TYW1: variants seen among roughly 807,000 people sequenced by gnomAD.
TYW1 encodes S-adenosyl-L-methionine-dependent tRNA 4-demethylwyosine synthase TYW1.
In TYW1, 46 loss-of-function variants were observed where a neutral mutation model predicts 96.2. The ratio of observed to expected loss-of-function variants is 0.48; its 90% CI spans 0.38 to 0.61. TYW1 has a LOEUF of 0.61. Ranked by LOEUF, TYW1 falls within the 20% of genes least tolerant of loss-of-function variation. The pLI is 0.00. For missense variants in TYW1, 684 were observed against 909.6 expected (o/e 0.75, Z 3.19); for synonymous variants, 274 against 323.0 (o/e 0.85, Z 1.63).
chr7:67,131,864 G>A (rs186448518), intron 13 of TYW1, among the ~76,000 whole-genome samples: 57 of 152,280 alleles, frequency 3.7e-4, no homozygotes, highest in Middle Eastern at 3.4e-3. Flanking sequence ...TTTGATGTTC[G>A]AGGGCAGGAA....
At chr7:67,207,700 G>A (rs1181629668) in intron 15 of TYW1, among the ~76,000 whole-genome samples, 1 of 83,942 alleles carries the variant, frequency 1.2e-5, no homozygotes, top group Admixed American at 1.2e-4. Flanking sequence ...TTTTGGAGAT[G>A]GAGTCATTTT....
chr7:67,111,923 G>A (rs973348210), intron 12 of TYW1, among the ~76,000 whole-genome samples: 1 of 151,262 alleles, frequency 6.6e-6, no homozygotes, highest in Non-Finnish European at 1.5e-5. Flanking sequence ...GTGGCGAAAC[G>A]CTGTCTTTAC....
chr7:67,116,800 G>A (rs1265635854), intron 12 of TYW1, among the ~76,000 whole-genome samples: 2 of 152,178 alleles, frequency 1.3e-5, no homozygotes, highest in South Asian at 2.1e-4. Flanking sequence ...AGAATGAGTG[G>A]TATTCATGGA....
At chr7:67,173,519 A>G (rs989034854) in intron 13 of TYW1, among the ~76,000 whole-genome samples, 14 of 152,214 alleles carry the variant, frequency 9.2e-5, no homozygotes, top group African/African-American at 2.9e-4. Flanking sequence ...GGCACACAAC[A>G]TCTGGTTGTT....
At chr7:67,052,730 A>ATTAT (rs1584504742) in intron 8 of TYW1, among the ~76,000 whole-genome samples, 2 of 151,606 alleles carry the variant, frequency 1.3e-5, no homozygotes, top group Admixed American at 6.6e-5. Flanking sequence ...TTTTATTTTT[A>ATTAT]TTATTTATTT....
rs182951828 is a variant in TYW1, at chr7:67,016,471, C to T, written c.571-1382C>T. Among the ~76,000 whole-genome samples the T allele has an allele frequency of 6.8e-3, 1,029 of 151,930 alleles. 10 individuals carry two copies. The highest frequency in any genetic ancestry group is 0.023 in the African/African-American group (961 of 41,464). On this transcript the variant is annotated intron_variant, in intron 5 of 15. Transcript: ENST00000359626. The stretch of plus-strand genomic sequence containing the variant: ...CTGAGGCAGGAGAATCACTTGAACC[C>T]GGGAGGTAGAGTTTGCAGTGAGCCG...
chr7:67,133,043 A>G (rs7784267), intron 13 of TYW1, among the ~76,000 whole-genome samples: 41,951 of 151,928 alleles, frequency 0.28, 6,642 homozygotes, highest in African/African-American at 0.44. Context: ...GATTTTTGTC[A>G]CCGTACCCTG....
intron 15 of TYW1, among the ~76,000 whole-genome samples, chr7:67,224,420 C>A (rs565877792): frequency 6.6e-6 from 1 of 152,244 alleles, no homozygotes; most frequent in African/African-American, 2.4e-5. Context: ...AGCCACCATG[C>A]CCGGCCAATA....
intron 7 of TYW1, among the ~76,000 whole-genome samples, chr7:67,026,159 G>A (rs1246977512): frequency 2.0e-5 from 3 of 152,100 alleles, no homozygotes; most frequent in Non-Finnish European, 4.4e-5. Context: ...TGCAACCTCT[G>A]CCTCCTGGTT....
intron 12 of TYW1, among the ~76,000 whole-genome samples, chr7:67,109,617 A>T (rs1326834325): frequency 6.6e-6 from 1 of 152,144 alleles, no homozygotes; most frequent in African/African-American, 2.4e-5. Flanking sequence ...GCAGTGGCTC[A>T]CGCCTGTAAT....
rs1801984494 is a variant in TYW1, at chr7:67,239,193, G to A, written c.*664G>A. 1.5e-5 allele frequency: 15 copies of A among 985,348 alleles called. No homozygotes were observed. Among genetic ancestry groups the A allele is most frequent in the African/African-American group, 1.7e-5 (1 of 57,222 alleles). 61.0% of individuals were successfully genotyped at this position (985,348 alleles called of 1,614,324 possible). On this transcript the variant is annotated 3_prime_UTR_variant, in exon 16 of 16. Coordinates refer to ENST00000359626, the MANE Select transcript of TYW1 (RefSeq NM_018264.4). ...CAGACCGCAGTACCGGGGCTGGAGCGGAGTGAAGCTGTCTGCTGTAAGAGG... is the reference window on the plus strand; with the variant it reads ...CAGACCGCAGTACCGGGGCTGGAGCAGAGTGAAGCTGTCTGCTGTAAGAGG...
chr7:67,087,720 A>G (rs1328609234), intron 11 of TYW1, among the ~76,000 whole-genome samples: 2 of 152,170 alleles, frequency 1.3e-5, no homozygotes, highest in Admixed American at 6.5e-5. Flanking sequence ...ATATTTGTGC[A>G]TTGATGTTCT....
chr7:67,193,458 GT>G (rs1800285037), intron 14 of TYW1, among the ~76,000 whole-genome samples: 1 of 151,990 alleles, frequency 6.6e-6, no homozygotes, highest in Non-Finnish European at 1.5e-5. Flanking sequence ...TCATTTGTTG[GT>G]TTTTAAAAAT....
intron 12 of TYW1, among the ~76,000 whole-genome samples, chr7:67,099,884 C>G (rs970866774): frequency 8.5e-5 from 13 of 152,074 alleles, no homozygotes; most frequent in Non-Finnish European, 1.5e-4. Context: ...TGCCTGTAAT[C>G]CCAGCTACTC....
At chr7:67,007,645 T>G (rs1793646580) in intron 3 of TYW1, among the ~76,000 whole-genome samples, 1 of 152,136 alleles carries the variant, frequency 6.6e-6, no homozygotes. Context: ...TTTTCTCTTT[T>G]TTTTTGAGAT....
rs372764918 is a variant in TYW1, at chr7:67,096,797, G to A, written c.1385-1744G>A. Among the ~76,000 whole-genome samples, 4 of 152,000 alleles carry A rather than the reference G, an allele frequency of 2.6e-5. No homozygotes were observed. The East Asian group carries it at 5.8e-4, about 22-fold the overall frequency. ...CCCTCTATGTGTTCATGTGTTCTTA[G>A]GATACATATTTTTGCCTATTTACAC... On this transcript the variant is annotated intron_variant, in intron 11 of 15. Coordinates refer to ENST00000359626, the MANE Select transcript of TYW1 (RefSeq NM_018264.4).
chr7:67,031,895 C>G (rs1584484039), intron 7 of TYW1, among the ~76,000 whole-genome samples: 1 of 152,126 alleles, frequency 6.6e-6, no homozygotes, highest in South Asian at 2.1e-4. Context: ...GACCCATGTT[C>G]CTGCTGATAT....
chr7:67,112,332 T>G (rs1279747699), intron 12 of TYW1, among the ~76,000 whole-genome samples: 1 of 151,760 alleles, frequency 6.6e-6, no homozygotes, highest in African/African-American at 2.4e-5. Flanking sequence ...ATGGAAAAAT[T>G]AGGCCAGGCA....
intron 11 of TYW1, among the ~76,000 whole-genome samples, chr7:67,087,710 A>G (rs1796592176): frequency 6.6e-6 from 1 of 152,124 alleles, no homozygotes; most frequent in Non-Finnish European, 1.5e-5. Flanking sequence ...GAACTGGTTA[A>G]TATTTGTGCA....
Sources: allele counts gnomAD v4.1 joint callset (sites outside exome capture counted in the v4.1 genomes callset), GRCh38; gene constraint gnomAD v4.1.1; transcripts MANE v1.5; gene names NCBI Gene and HGNC (gene_info 2026-07-23, HGNC 2026-07-21).